Variants in PDCD7 observed in about 807,000 individuals in gnomAD.
The protein encoded by PDCD7 is programmed cell death 7.
PDCD7 carries 40 observed loss-of-function variants against 42.1 expected under a neutral mutation model. That is an observed-to-expected ratio of 0.95 (90% confidence interval 0.74 to 1.24). The LOEUF is 1.24. PDCD7 is among the 50% of genes most tolerant of loss of function. The pLI is 0.00. For missense variants in PDCD7, 644 were observed against 662.8 expected (o/e 0.97, Z 0.31); for synonymous variants, 299 against 303.3 (o/e 0.99, Z 0.15).
intron 1 of PDCD7, among the ~76,000 whole-genome samples, chr15:65,129,421 T>C (rs1185961160): frequency 6.6e-6 from 1 of 152,200 alleles, no homozygotes; most frequent in East Asian, 1.9e-4. Context: ...ATAGCACTGG[T>C]TTTGTTTCTT....
Position 65,133,292 on chromosome 15 carries a change from G to T in PDCD7, c.490C>A (p.Arg164Ser), listed in dbSNP as rs1226932496. The T allele has an allele frequency of 9.9e-6, 13 of 1,315,502 alleles. No homozygotes were observed. The highest frequency in any genetic ancestry group is 1.2e-5 in the Non-Finnish European group (12 of 1,038,354). 81.5% of individuals were successfully genotyped at this position (1,315,502 alleles called of 1,614,324 possible). ...PRRAGCPVPQ[R>S]THAGPSLGEV... is the part of the protein sequence containing the mutation. ...CCAAGGCTGGGCCCGGCATGCGTGC[G>T]CTGGGGCACCGGACAGCCTGCCCGC... Residue 164 changes from arginine to serine, a missense_variant, in exon 1 of 5, where the codon CGC becomes AGC. By Grantham distance (110) the Arg-to-Ser change is moderately radical. Coordinates refer to ENST00000204549, the MANE Select transcript of PDCD7 (RefSeq NM_005707.2).
chr15:65,129,789 A>G (rs1013621416), intron 1 of PDCD7, among the ~76,000 whole-genome samples: 1 of 152,084 alleles, frequency 6.6e-6, no homozygotes, highest in Non-Finnish European at 1.5e-5. Context: ...GCATAATGGC[A>G]TGTGTCCCTA....
chr15:65,119,670 C>A (rs182507986), intron 3 of PDCD7, 48 bp downstream of exon 3: 3 of 1,561,306 alleles, frequency 1.9e-6, no homozygotes, highest in South Asian at 2.4e-5. Context: ...ATGAGAAGAG[C>A]GTCAATCTAG....
chr15:65,124,341 C>T (rs2087479514), intron 2 of PDCD7, among the ~76,000 whole-genome samples: 1 of 151,772 alleles, frequency 6.6e-6, no homozygotes, highest in East Asian at 1.9e-4. Flanking sequence ...AGGAGAATCG[C>T]TTGAACCTGG....
At chr15:65,127,434 G>A (rs1398917298) in intron 2 of PDCD7, among the ~76,000 whole-genome samples, 7 of 149,634 alleles carry the variant, frequency 4.7e-5, no homozygotes, top group African/African-American at 7.4e-5. Flanking sequence ...TCCGCAGTCC[G>A]GCCTGGGCGA....
At chr15:65,122,693 T>C (rs1298379658) in intron 2 of PDCD7, among the ~76,000 whole-genome samples, 1 of 152,162 alleles carries the variant, frequency 6.6e-6, no homozygotes, top group African/African-American at 2.4e-5. Flanking sequence ...GTTACTTTTT[T>C]CCTTCCTAGG....
In PDCD7 at chr15:65,119,880, G is replaced by A. The variant is rs768472715; in HGVS notation, c.1084C>T (p.Arg362Cys). 27 of 1,613,930 alleles carry A rather than the reference G, an allele frequency of 1.7e-5. No homozygotes were observed. Among genetic ancestry groups the A allele is most frequent in the South Asian group, 3.3e-5 (3 of 91,058 alleles). Reference protein sequence around the residue: ...LQRLRKLIKKRSELYEAEERA... With the variant: ...LQRLRKLIKKCSELYEAEERA... The stretch of plus-strand genomic sequence containing the variant: ...TCTTCAGCTTCATACAGTTCAGAGC[G>A]CTTTTTAATGAGTTTTCTCAGTCGC... Residue 362 changes from arginine (R) to cysteine (C), a missense_variant, in exon 3 of 5, where the codon CGC (arginine) becomes TGC (cysteine). Coordinates refer to ENST00000204549, the MANE Select transcript of PDCD7 (RefSeq NM_005707.2).
In PDCD7 at chr15:65,133,782, G is replaced by A. The variant is rs373731004; in HGVS notation, c.-1C>T. On this transcript the variant is annotated 5_prime_UTR_variant, in exon 1 of 5. Transcript: ENST00000204549. Reference sequence around the variant, plus strand: ...GGCCGAAGAATGGTGGCAGGGCCATGTTCACGACGGAGATGCTTTGAGAAG... The same window carrying A: ...GGCCGAAGAATGGTGGCAGGGCCATATTCACGACGGAGATGCTTTGAGAAG... 2.1e-5 allele frequency: 28 copies of A among 1,359,042 alleles called. No individual in the cohort carries two copies. Among genetic ancestry groups the A allele is most frequent in the African/African-American group, 3.0e-5 (2 of 65,856 alleles). The allele number at this position is 1,359,042 out of a possible 1,614,324, so 84.2% of individuals were successfully genotyped here. A position where few individuals can be genotyped will look rare whatever the true frequency, so the allele number is the denominator to read the frequency against.
rs544005909 is a variant in PDCD7 at position 65,129,226 on chromosome 15, G to A, written c.871-56C>T. 8 of 1,577,890 alleles carry A rather than the reference G, an allele frequency of 5.1e-6. No individual in the cohort carries two copies. In the South Asian group the frequency reaches 5.6e-5, roughly 11 times the overall value. On this transcript the variant is annotated intron_variant, in intron 1 of 4. Coordinates refer to ENST00000204549, the MANE Select transcript of PDCD7 (RefSeq NM_005707.2). Reference sequence around the variant, plus strand: ...GTATTAGGAACAAACTTACAGCAGAGAATAGCTGCCCAGTGGTTAGATTTT... The same window carrying A: ...GTATTAGGAACAAACTTACAGCAGAAAATAGCTGCCCAGTGGTTAGATTTT...
In PDCD7 at chr15:65,125,358, A is replaced by G. The variant is rs549302233; in HGVS notation, c.1009+3674T>C. 2.6e-5 allele frequency among the ~76,000 whole-genome samples: 4 copies of G among 152,224 alleles called. No homozygotes were observed. The South Asian group carries it at 8.3e-4, about 32-fold the overall frequency. On this transcript the variant is annotated intron_variant, in intron 2 of 4. Coordinates refer to ENST00000204549, the MANE Select transcript of PDCD7 (RefSeq NM_005707.2). ...TTTTCCCCATGACCCAAAGACACACAACACCCCTCACCATCACCACTACCA... is the reference window on the plus strand; with the variant it reads ...TTTTCCCCATGACCCAAAGACACACGACACCCCTCACCATCACCACTACCA...
intron 2 of PDCD7, 144 bp downstream of exon 2, chr15:65,128,888 A>T: frequency 1.1e-6 from 1 of 899,450 alleles, no homozygotes; most frequent in Non-Finnish European, 1.7e-6. Context: ...AGAAGTTCTG[A>T]CCTACTTGCT....
chr15:65,118,679 AAG>A lies in PDCD7; in HGVS notation c.*36_*37del. 1 of 1,543,552 alleles carries A rather than the reference AAG, an allele frequency of 6.5e-7. No individual in the cohort carries two copies. The highest frequency in any genetic ancestry group is 1.3e-5 in the South Asian group (1 of 79,518). On this transcript the variant is annotated 3_prime_UTR_variant, in exon 5 of 5. Coordinates refer to ENST00000204549, the MANE Select transcript of PDCD7 (RefSeq NM_005707.2). ...ACCATCGCTAATATTTACAGCTGGA[AAG>A]AGCGCTGGCTGGACCACACTCCTGG...
rs796122253 is a variant in PDCD7 at position 65,120,318 on chromosome 15, AT to A, written c.1010-365del. On this transcript the variant is annotated intron_variant, in intron 2 of 4. Coordinates refer to ENST00000204549, the MANE Select transcript of PDCD7 (RefSeq NM_005707.2). ...AGGCACGTGCCACCACATCTAGCCAATTTTTTTTTTATTTTTGTAGAGACAG... is the reference window on the plus strand; with the variant it reads ...AGGCACGTGCCACCACATCTAGCCAATTTTTTTTTATTTTTGTAGAGACAG... 9.2e-3 allele frequency among the ~76,000 whole-genome samples: 1,365 copies of A among 149,062 alleles called. 10 individuals carry two copies. The highest frequency in any genetic ancestry group is 0.014 in the African/African-American group (573 of 40,698).
At chr15:65,123,400 A>G (rs2087472622) in intron 2 of PDCD7, among the ~76,000 whole-genome samples, 1 of 152,154 alleles carries the variant, frequency 6.6e-6, no homozygotes, top group Non-Finnish European at 1.5e-5. Context: ...GTTGGCCAGG[A>G]TAATCTTGAT....
At chr15:65,129,926 T>A (rs2087525723) in intron 1 of PDCD7, among the ~76,000 whole-genome samples, 1 of 144,876 alleles carries the variant, frequency 6.9e-6, no homozygotes, top group Non-Finnish European at 1.5e-5. Context: ...TTTTTTTTTT[T>A]TTTTTTTTTT....
At chr15:65,126,278 A>G (rs995902602) in intron 2 of PDCD7, among the ~76,000 whole-genome samples, 5 of 151,946 alleles carry the variant, frequency 3.3e-5, no homozygotes, top group Admixed American at 6.6e-5. Context: ...GACATTCCCT[A>G]TGATTTTGTC....
chr15:65,131,603 C>A (rs1421955852), intron 1 of PDCD7, among the ~76,000 whole-genome samples: 2 of 151,916 alleles, frequency 1.3e-5, no homozygotes, highest in Non-Finnish European at 2.9e-5. Context: ...ACAAAATTAG[C>A]TGGGGTGTAG....
intron 2 of PDCD7, among the ~76,000 whole-genome samples, chr15:65,121,033 C>G (rs928088421): frequency 4.6e-5 from 7 of 151,090 alleles, no homozygotes; most frequent in African/African-American, 1.7e-4. Context: ...ATCCACACCA[C>G]TTAACCTCTG....
At chr15:65,120,624 C>T (rs1411288763) in intron 2 of PDCD7, among the ~76,000 whole-genome samples, 3 of 152,070 alleles carry the variant, frequency 2.0e-5, no homozygotes, top group Non-Finnish European at 4.4e-5. Flanking sequence ...AGGAGAATGG[C>T]GTGAACCTGG....
Sources: allele counts gnomAD v4.1 joint callset (sites outside exome capture counted in the v4.1 genomes callset), GRCh38; gene constraint gnomAD v4.1.1; transcripts MANE v1.5; gene names NCBI Gene and HGNC (gene_info 2026-07-23, HGNC 2026-07-21).